CENPT: variants seen among roughly 807,000 people sequenced by gnomAD.
The protein encoded by CENPT is centromere protein T, also known as interphase centromere complex protein 22.
Under a neutral mutation model 59.7 loss-of-function variants are expected in CENPT, and 42 were observed. That is an observed-to-expected ratio of 0.70 (90% confidence interval 0.55 to 0.91). The LOEUF (loss-of-function observed/expected upper bound fraction) is 0.91. Ranked by LOEUF, CENPT falls within the 40% of genes least tolerant of loss-of-function variation. CENPT has a pLI of 0.00. For synonymous variants in CENPT, 295 were observed against 289.6 expected, an observed-to-expected ratio of 1.02 and a Z score of -0.19; for missense variants, 716 against 713.4, an observed-to-expected ratio of 1.00 and a Z score of -0.04.
At chr16:67,833,670 G>A (rs2057714566) in intron 4 of CENPT, 80 bp downstream of exon 4, 2 of 838,046 alleles carry the variant, frequency 2.4e-6, no homozygotes, top group African/African-American at 1.8e-5. Context: ...TCTTCGAACA[G>A]AGTCGACGCT....
intron 12 of CENPT, 35 bp from the exon 13 acceptor site, chr16:67,829,551 A>G: frequency 6.5e-7 from 1 of 1,549,452 alleles, no homozygotes. Flanking sequence ...CAGGGATTCC[A>G]GGCCTGACCA....
rs1209570578 is a variant in CENPT at position 67,843,143 on chromosome 16, G to A, written c.-492+4258C>T. The A allele has an allele frequency of 6.2e-7, 1 of 1,609,754 alleles. No individual in the cohort carries two copies. Among genetic ancestry groups the A allele is most frequent in the Non-Finnish European group, 8.5e-7 (1 of 1,179,492 alleles). ...CGATCTCACAGTGCAAGTGGAGTTTGCAGCCGCAGAGGGCGCAGCCGCTGC... is the reference window on the plus strand; with the variant it reads ...CGATCTCACAGTGCAAGTGGAGTTTACAGCCGCAGAGGGCGCAGCCGCTGC... On this transcript the variant is annotated intron_variant, in intron 1 of 15. Transcript: ENST00000562787. The surrounding 1 kb of genome is among the most constrained non-coding windows in gnomAD (Gnocchi z 5.7).
At chr16:67,829,357 T>G (rs2057654816) in intron 13 of CENPT, 66 bp downstream of exon 13, 9 of 1,293,524 alleles carry the variant, frequency 7.0e-6, no homozygotes, top group Admixed American at 5.0e-5. Context: ...GAGGACCCTA[T>G]GTACACAGCA....
At position 67,832,467 on chromosome 16, in the gene CENPT, G is replaced by A; in HGVS notation, c.189C>T (p.Ser63=). The part of the protein sequence containing the change: ...GQTRTIARGR[S]HGARSVGRSA... ...GCTGGGTACTTACCCTGGCTCCATG[G>A]GAACGCCCTCTGGCTATCGTCCTTG... The change falls in exon 5 of 16, where the codon TCC becomes TCT. Residue 63 remains serine (S), a synonymous_variant. Coordinates refer to ENST00000562787, the MANE Select transcript of CENPT (RefSeq NM_025082.4). The A allele has an allele frequency of 2.5e-6, 4 of 1,614,206 alleles. No individual in the cohort carries two copies. The highest frequency in any genetic ancestry group is 3.4e-6 in the Non-Finnish European group (4 of 1,180,022).
chr16:67,843,397 C>T lies in CENPT; in HGVS notation c.-492+4004G>A. The T allele has an allele frequency of 6.2e-7, 1 of 1,614,016 alleles. No homozygotes were observed. The highest frequency in any genetic ancestry group is 1.1e-5 in the South Asian group (1 of 91,086). ...TGAAGATGAAAGAGATGAAAGGCAG[C>T]ATTCGCCACCTGCGTCTCACTGAGG... On this transcript the variant is annotated intron_variant, in intron 1 of 15. Transcript: ENST00000562787. This position sits in a 1 kb window ranked among gnomAD's most constrained non-coding sequence, Gnocchi z 5.7.
rs761520095 is a variant in CENPT at position 67,843,226 on chromosome 16, T to A, written c.-492+4175A>T. The A allele has an allele frequency of 4.3e-6, 7 of 1,611,934 alleles. No individual in the cohort carries two copies. The highest frequency in any genetic ancestry group is 4.2e-6 in the Non-Finnish European group (5 of 1,179,374). ...CAGGGCTGGAGGCTGCCGAGTGCCCTATGGGCCCCCAGTTGGTGGTGGTAG... is the reference window on the plus strand; with the variant it reads ...CAGGGCTGGAGGCTGCCGAGTGCCCAATGGGCCCCCAGTTGGTGGTGGTAG... On this transcript the variant is annotated intron_variant, in intron 1 of 15. Coordinates refer to ENST00000562787, the MANE Select transcript of CENPT (RefSeq NM_025082.4). This position sits in a 1 kb window ranked among gnomAD's most constrained non-coding sequence, Gnocchi z 5.7.
In CENPT at chr16:67,831,343, G is replaced by A; in HGVS notation, c.576C>T (p.Thr192=). The change falls in exon 10 of 16, where the codon ACC becomes ACT. Residue 192 remains threonine (T), a synonymous_variant. Coordinates refer to ENST00000562787, the MANE Select transcript of CENPT (RefSeq NM_025082.4). ...ACTGTGGCTGAAGAGGTGTGGCAAA[G>A]GTCAGGTTGAGGGATCTGGTGAGGT... ...ASSLTRSLNL[T]FATPLQPQSV... 2.5e-6 allele frequency: 4 copies of A among 1,613,962 alleles called. No homozygotes were observed. The highest frequency in any genetic ancestry group is 3.4e-6 in the Non-Finnish European group (4 of 1,179,864).
Position 67,842,944 on chromosome 16 carries a change from G to A in CENPT, c.-492+4457C>T, listed in dbSNP as rs2057774945. The A allele has an allele frequency of 6.2e-7, 1 of 1,610,558 alleles. No individual in the cohort carries two copies. The highest frequency in any genetic ancestry group is 8.5e-7 in the Non-Finnish European group (1 of 1,179,254). On this transcript the variant is annotated intron_variant, in intron 1 of 15. Transcript: ENST00000562787. The surrounding 1 kb of genome is among the most constrained non-coding windows in gnomAD (Gnocchi z 4.9). Reference sequence around the variant, plus strand: ...AACAGCAGCAGCAGCAGCAGCAGCAGCAGCAGTCCTCACCCTCTGCCTCCA... The same window carrying A: ...AACAGCAGCAGCAGCAGCAGCAGCAACAGCAGTCCTCACCCTCTGCCTCCA...
chr16:67,831,403 C>T (rs370743685), intron 9 of CENPT, 45 bp from the exon 10 acceptor site: 8 of 1,599,178 alleles, frequency 5.0e-6, no homozygotes, highest in Non-Finnish European at 6.8e-6. Flanking sequence ...TACCTGAGAC[C>T]CAGTTTGCCC....
In CENPT at chr16:67,829,498, G is replaced by A. The variant is rs755023670; in HGVS notation, c.1205C>T (p.Ser402Phe). Residue 402 changes from serine (S) to phenylalanine (F), a missense_variant, in exon 13 of 16, where the codon TCC becomes TTC. Transcript: ENST00000562787. ...GGCCTGGAGAGACTCAGGGGTGCTGGAGGCCGACTCTGGACTTGCTACAAA... is the reference window on the plus strand; with the variant it reads ...GGCCTGGAGAGACTCAGGGGTGCTGAAGGCCGACTCTGGACTTGCTACAAA... ...SGRAASPESA[S>F]STPESLQARR... 2.5e-6 allele frequency: 4 copies of A among 1,593,902 alleles called. No individual in the cohort carries two copies. Among genetic ancestry groups the A allele is most frequent in the Non-Finnish European group, 2.6e-6 (3 of 1,174,916 alleles).
intron 3 of CENPT, among the ~76,000 whole-genome samples, chr16:67,834,818 A>G (rs1326301822): frequency 1.3e-5 from 2 of 152,242 alleles, no homozygotes; most frequent in East Asian, 3.9e-4. Flanking sequence ...CATTACCACC[A>G]CATCTAGCAA....
At chr16:67,836,670 T>C (rs538899541) in intron 1 of CENPT, among the ~76,000 whole-genome samples, 1 of 151,902 alleles carries the variant, frequency 6.6e-6, no homozygotes, top group East Asian at 1.9e-4. Context: ...TGGAGTGCAA[T>C]GGCGCAACCT....
intron 11 of CENPT, 98 bp downstream of exon 11, chr16:67,830,292 G>A: frequency 6.9e-7 from 1 of 1,449,894 alleles, no homozygotes; most frequent in Non-Finnish European, 9.4e-7. Context: ...CAGCCAGGGT[G>A]CTCTAGGGGC....
In CENPT at chr16:67,830,524, G is replaced by T. The variant is rs781183528; in HGVS notation, c.728C>A (p.Pro243Gln). Reference protein sequence around the residue: ...PPNIVLEDTQPFSQPMVGSPN... With the variant: ...PPNIVLEDTQQFSQPMVGSPN... ...GGAGCCAACCATGGGCTGAGAGAAC[G>T]GCTGGGTGTCCTCCAACACAATGTC... The change falls in exon 11 of 16, where the codon CCG (proline) becomes CAG (glutamine). Residue 243 changes from proline to glutamine, a missense_variant. Physicochemically the swap from Pro to Gln is moderately conservative, Grantham distance 76 (BLOSUM62 -1). Coordinates refer to ENST00000562787, the MANE Select transcript of CENPT (RefSeq NM_025082.4). The T allele has an allele frequency of 6.2e-7, 1 of 1,613,988 alleles. No homozygotes were observed. The highest frequency in any genetic ancestry group is 8.5e-7 in the Non-Finnish European group (1 of 1,180,018).
chr16:67,841,002 A>G (rs1176798429), intron 1 of CENPT, among the ~76,000 whole-genome samples: 1 of 99,028 alleles, frequency 1.0e-5, no homozygotes, highest in East Asian at 2.8e-4. Context: ...TCTACTAAAT[A>G]CAAAATACAT....
chr16:67,838,630 A>G (rs527725886), intron 1 of CENPT, among the ~76,000 whole-genome samples: 1 of 152,042 alleles, frequency 6.6e-6, no homozygotes, highest in South Asian at 2.1e-4. Context: ...TCAAAAAAAA[A>G]AAAAGAAAAA....
chr16:67,838,168 TAG>T (rs922194642), intron 1 of CENPT, among the ~76,000 whole-genome samples: 13 of 151,322 alleles, frequency 8.6e-5, no homozygotes, highest in African/African-American at 3.2e-4. Flanking sequence ...TACTGGAAAT[TAG>T]AGTTTCATTG....
At chr16:67,837,877 G>A (rs754156163) in intron 1 of CENPT, among the ~76,000 whole-genome samples, 3 of 152,220 alleles carry the variant, frequency 2.0e-5, no homozygotes, top group Non-Finnish European at 4.4e-5. Flanking sequence ...GGTCTTGCAA[G>A]CTCTGGGAAA....
chr16:67,838,745 G>A (rs954898629), intron 1 of CENPT, among the ~76,000 whole-genome samples: 3 of 151,592 alleles, frequency 2.0e-5, no homozygotes, highest in Non-Finnish European at 4.4e-5. Context: ...GGCCAACATA[G>A]TGAAACCCTG....
Sources: gnomAD v4.1 joint callset for allele counts (sites outside exome capture counted in the v4.1 genomes callset) on GRCh38, gnomAD v4.1.1 for gene constraint, Gnocchi (gnomAD v3.1) non-coding constraint, MANE v1.5 for transcripts, NCBI Gene and HGNC (gene_info 2026-07-23, HGNC 2026-07-21) for gene names.